Variants in ZNF208 observed in about 807,000 individuals in gnomAD.
ZNF208 encodes zinc finger protein 208.
In ZNF208, 10 loss-of-function variants were observed where a neutral mutation model predicts 12.1. The ratio of observed to expected loss-of-function variants is 0.83; its 90% CI spans 0.51 to 1.40. ZNF208 has a LOEUF of 1.40. ZNF208 is among the 40% of genes most tolerant of loss of function. The probability of loss-of-function intolerance (pLI) is 0.00; values close to 1 mark genes in which losing one functional copy is unlikely to be tolerated. For synonymous variants in ZNF208, 497 were observed against 488.4 expected (o/e 1.02, Z -0.23); for missense variants, 1,652 against 1,485.0 (o/e 1.11, Z -1.85).
At chr19:21,958,940 G>A (rs1970020011) in intron 4 of ZNF208, among the ~76,000 whole-genome samples, 1 of 152,014 alleles carries the variant, frequency 6.6e-6, no homozygotes, top group African/African-American at 2.4e-5. Flanking sequence ...TACCAAGCCA[G>A]GCAAAATGGC....
In ZNF208 at chr19:21,970,767, C is replaced by A. The variant is rs778442429; in HGVS notation, c.*424G>T. On this transcript the variant is annotated 3_prime_UTR_variant, in exon 4 of 4. Coordinates refer to ENST00000397126, the MANE Select transcript of ZNF208 (RefSeq NM_007153.3). Reference sequence around the variant, plus strand: ...TTTAAAAGCTTTGCCAAATTCTTCACATTTTTAGAATTTCTCTCCAGCATG... The same window carrying A: ...TTTAAAAGCTTTGCCAAATTCTTCAAATTTTTAGAATTTCTCTCCAGCATG... The A allele has an allele frequency of 2.2e-6, 3 of 1,394,538 alleles. No homozygotes were observed. Among genetic ancestry groups the A allele is most frequent in the African/African-American group, 2.9e-5 (2 of 69,968 alleles). The allele number at this position is 1,394,538 out of a possible 1,614,324, so 86.4% of individuals were successfully genotyped here. A position where few individuals can be genotyped will look rare whatever the true frequency, so the allele number is the denominator to read the frequency against.
At chr19:21,992,143 C>A (rs1033971332) in intron 1 of ZNF208, among the ~76,000 whole-genome samples, 7 of 152,182 alleles carry the variant, frequency 4.6e-5, no homozygotes, top group Admixed American at 4.6e-4. Context: ...TTATTCACAT[C>A]AGCTGCATAA....
chr19:21,975,980 C>G (rs1035659607), intron 3 of ZNF208, among the ~76,000 whole-genome samples: 5 of 147,648 alleles, frequency 3.4e-5, no homozygotes, highest in African/African-American at 1.2e-4. Flanking sequence ...AGAAAGATGC[C>G]GAAAGCAGTT....
At chr19:21,961,003 C>G (rs1269942960) in intron 4 of ZNF208, among the ~76,000 whole-genome samples, 2 of 152,182 alleles carry the variant, frequency 1.3e-5, no homozygotes, top group Non-Finnish European at 2.9e-5. Flanking sequence ...CAGCACTCAG[C>G]TACCAATGCC....
chr19:21,974,343 A>T lies in ZNF208; in HGVS notation c.691T>A (p.Cys231Ser), dbSNP rs373899396. The T allele has an allele frequency of 1.1e-4, 176 of 1,613,614 alleles. No homozygotes were observed. The highest frequency in any genetic ancestry group is 3.3e-4 in the Middle Eastern group (2 of 6,078). ...CTAAAGGCTTTGCCACATTCTTTAC[A>T]TCTGTAGGGTTTCTCTCCAGTATGA... ...SAHTGEKPYR[C>S]KECGKAFSKF... The change falls in exon 4 of 4, where the codon TGT becomes AGT. Residue 231 changes from cysteine (C) to serine (S), a missense_variant. Physicochemically the swap from Cys to Ser is moderately radical, Grantham distance 112. This residue lies in a region of ZNF208 where 410 missense variants were observed against 378.2 expected (regional missense o/e 1.08). Coordinates refer to ENST00000397126, the MANE Select transcript of ZNF208 (RefSeq NM_007153.3).
intron 4 of ZNF208, among the ~76,000 whole-genome samples, chr19:21,953,947 T>C (rs1398433877): frequency 6.6e-6 from 1 of 152,232 alleles, no homozygotes; most frequent in African/African-American, 2.4e-5. Context: ...TTTTAGATCT[T>C]TCTTGCTTTC....
In ZNF208 at chr19:21,987,140, A is replaced by C. The variant is rs536340319; in HGVS notation, c.226+76T>G. On this transcript the variant is annotated intron_variant, in intron 3 of 3. Coordinates refer to ENST00000397126, the MANE Select transcript of ZNF208 (RefSeq NM_007153.3). ...CTACTTCTTTTGGAACACAGCTTCC[A>C]GAATCACTTTAAGGACTGGCTTCCT... 4.2e-3 allele frequency: 5,972 copies of C among 1,429,462 alleles called. 207 individuals are homozygous for C. The African/African-American group carries it at 0.078, about 19-fold the overall frequency. The allele number at this position is 1,429,462 out of a possible 1,614,324, so 88.5% of individuals were successfully genotyped here.
At chr19:21,988,149 G>A (rs958924568) in intron 2 of ZNF208, among the ~76,000 whole-genome samples, 2 of 152,112 alleles carry the variant, frequency 1.3e-5, no homozygotes, top group African/African-American at 4.8e-5. Context: ...AATCTAAAGT[G>A]AAGGACACAG....
chr19:21,999,027 A>ATTTTATGCTATCTAT (rs1392398076), intron 1 of ZNF208, among the ~76,000 whole-genome samples: 1 of 137,270 alleles, frequency 7.3e-6, no homozygotes, highest in Non-Finnish European at 1.5e-5. Flanking sequence ...TTATAGCATA[A>ATTTTATGCTATCTAT]TTTTATGCTA....
At chr19:21,976,711 C>T (rs1288316156) in intron 3 of ZNF208, among the ~76,000 whole-genome samples, 1 of 152,124 alleles carries the variant, frequency 6.6e-6, no homozygotes, top group Non-Finnish European at 1.5e-5. Flanking sequence ...CAGGCATGCA[C>T]CACCACACCC....
Position 21,973,150 on chromosome 19 carries a change from C to G in ZNF208, c.1884G>C (p.Lys628Asn), listed in dbSNP as rs376576266. 6.2e-6 allele frequency: 10 copies of G among 1,613,214 alleles called. No individual in the cohort carries two copies. The highest frequency in any genetic ancestry group is 2.7e-5 in the African/African-American group (2 of 74,856). Residue 628 changes from lysine (K) to asparagine (N), a missense_variant, in exon 4 of 4, where the codon AAG becomes AAC. By Grantham distance (94) the Lys-to-Asn change is moderately conservative. Transcript: ENST00000397126. ...AGGGCTTCTCTCCAGCATGAATTGC[C>G]TTATGTGTAGTAAGGGTTGAGACCT... ...FSKVSTLTTH[K>N]AIHAGEKPYK...
At chr19:21,980,866 A>G (rs1035482921) in intron 3 of ZNF208, among the ~76,000 whole-genome samples, 7 of 152,182 alleles carry the variant, frequency 4.6e-5, no homozygotes, top group Admixed American at 1.3e-4. Flanking sequence ...ACAATCAAAA[A>G]TAATAAAGGG....
Position 21,973,130 on chromosome 19 carries a change from T to C in ZNF208, c.1904A>G (p.Lys635Arg). 1 of 1,613,502 alleles carries C rather than the reference T, an allele frequency of 6.2e-7. No individual in the cohort carries two copies. Among genetic ancestry groups the C allele is most frequent in the Non-Finnish European group, 8.5e-7 (1 of 1,179,698 alleles). Residue 635 changes from lysine (K) to arginine (R), a missense_variant, in exon 4 of 4, where the codon AAG (lysine) becomes AGG (arginine). Lys to Arg is a conservative substitution (Grantham distance 26). Transcript: ENST00000397126. ...GCCACATTCTTTACATTTGTAGGGC[T>C]TCTCTCCAGCATGAATTGCCTTATG... The part of the protein sequence containing the change: ...TTHKAIHAGE[K>R]PYKCKECGKT...
chr19:22,007,441 G>T (rs1455459874), intron 1 of ZNF208, among the ~76,000 whole-genome samples: 3 of 143,792 alleles, frequency 2.1e-5, no homozygotes, highest in Non-Finnish European at 3.0e-5. Flanking sequence ...AACCTGGGAG[G>T]AGGAGCTTGC....
chr19:21,964,325 G>C (rs1970127842), downstream of ZNF208, among the ~76,000 whole-genome samples: 1 of 151,708 alleles, frequency 6.6e-6, no homozygotes, highest in African/African-American at 2.4e-5. Context: ...CCAGCACTCA[G>C]AAATAGACTT....
chr19:21,958,246 A>G (rs980914012), intron 4 of ZNF208, among the ~76,000 whole-genome samples: 8 of 152,040 alleles, frequency 5.3e-5, no homozygotes, highest in African/African-American at 1.9e-4. Context: ...TTCTAGTCTC[A>G]TTCATTGTTT....
rs1214485792 is a variant in ZNF208, at chr19:21,971,085, C to T, written c.*106G>A. The T allele has an allele frequency of 6.2e-7, 1 of 1,612,892 alleles. No individual in the cohort carries two copies. Among genetic ancestry groups the T allele is most frequent in the Non-Finnish European group, 8.5e-7 (1 of 1,179,524 alleles). On this transcript the variant is annotated 3_prime_UTR_variant, in exon 4 of 4. Transcript: ENST00000397126. ...ATAAGGTTTGAGGACCAGTTGAAAG[C>T]CTCACCACATTCTTCACATTTGTAG...
intron 4 of ZNF208, chr19:21,941,596 T>G: frequency 2.6e-6 from 1 of 391,066 alleles, no homozygotes; most frequent in East Asian, 3.6e-5. Flanking sequence ...TGAGTTCTTA[T>G]AATTTTGAAA....
At chr19:21,941,484 G>C in intron 4 of ZNF208, 1 of 396,766 alleles carries the variant, frequency 2.5e-6, no homozygotes, top group Non-Finnish European at 4.4e-6. Flanking sequence ...ACCATTTCCT[G>C]TTTATTCCTA....
Sources: allele counts gnomAD v4.1 joint callset (sites outside exome capture counted in the v4.1 genomes callset), GRCh38; gene constraint gnomAD v4.1.1; regional missense constraint gnomAD v4.1.1; transcripts MANE v1.5; gene names NCBI Gene and HGNC (gene_info 2026-07-23, HGNC 2026-07-21).